Variants in GALNT9 observed in about 807,000 individuals in gnomAD.
GALNT9 encodes the protein GalNAc transferase 9.
A neutral mutation model predicts 63.1 loss-of-function variants in GALNT9; 47 were observed. The observed-to-expected ratio is 0.75, with a 90% CI of 0.59 to 0.95. The LOEUF (loss-of-function observed/expected upper bound fraction) is 0.95, where lower values mean the gene tolerates loss of function less well. Among genes scored for constraint, GALNT9 ranks in the 40% least tolerant of loss-of-function variants. The pLI, the probability that GALNT9 is intolerant of heterozygous loss-of-function variation, is 0.00. For missense variants in GALNT9, 829 were observed against 874.8 expected (o/e 0.95, Z 0.66); for synonymous variants, 396 against 365.7 (o/e 1.08, Z -0.94).
chr12:132,324,883 C>G (rs1464901158), intron 1 of GALNT9, among the ~76,000 whole-genome samples: 1 of 152,356 alleles, frequency 6.6e-6, no homozygotes, highest in East Asian at 1.9e-4. Flanking sequence ...GAGATACGCC[C>G]CTTGGCAACC....
At chr12:132,309,364 G>A (rs1050887372) in intron 1 of GALNT9, among the ~76,000 whole-genome samples, 3 of 152,220 alleles carry the variant, frequency 2.0e-5, no homozygotes, top group African/African-American at 7.2e-5. Flanking sequence ...TCGAGGGGTC[G>A]TGCCCCAGTT....
Position 132,266,924 on chromosome 12 carries a change from C to A in GALNT9, c.420-4299G>T, listed in dbSNP as rs540912083. On this transcript the variant is annotated intron_variant, in intron 2 of 10. Transcript: ENST00000328957. The stretch of plus-strand genomic sequence containing the variant: ...CTGTCCCTAAACAGGCTCAGGGTCT[C>A]CCTTGGCTGGGGGCAGAGACTCAGG... Among the ~76,000 whole-genome samples, 55 of 152,242 alleles carry A rather than the reference C, an allele frequency of 3.6e-4. No individual in the cohort carries two copies. The East Asian group carries it at 9.7e-3, about 27-fold the overall frequency.
intron 1 of GALNT9, among the ~76,000 whole-genome samples, chr12:132,299,949 CATG>C (rs1223292062): frequency 6.9e-5 from 10 of 145,852 alleles, no homozygotes; most frequent in East Asian, 4.2e-4. Context: ...AACCCACTCC[CATG>C]ATAACTAACC....
chr12:132,199,283 C>T lies in GALNT9; in HGVS notation c.1402-14G>A. On this transcript the variant is annotated splice_polypyrimidine_tract_variant and intron_variant, in intron 8 of 10. Coordinates refer to ENST00000328957, the MANE Select transcript of GALNT9 (RefSeq NM_001122636.2). Reference sequence around the variant, plus strand: ...GCTGTTTCTCACCTGCAAGCAGAAGCCCCAGGAGAAAGTCCAGAGTCACCC... The same window carrying T: ...GCTGTTTCTCACCTGCAAGCAGAAGTCCCAGGAGAAAGTCCAGAGTCACCC... 1.3e-6 allele frequency: 2 copies of T among 1,584,984 alleles called. No homozygotes were observed. The highest frequency in any genetic ancestry group is 1.1e-5 in the South Asian group (1 of 90,628).
intron 5 of GALNT9, among the ~76,000 whole-genome samples, chr12:132,256,806 G>C (rs868977985): frequency 1.4e-4 from 21 of 152,224 alleles, no homozygotes; most frequent in African/African-American, 4.1e-4. Context: ...CCATGTCCTT[G>C]TCAACATTTG....
chr12:132,293,673 G>A lies in GALNT9; in HGVS notation c.239-7243C>T, dbSNP rs113516434. On this transcript the variant is annotated intron_variant, in intron 1 of 10. Transcript: ENST00000328957. ...TGTACAGTCGGAGCTGGATGGAGAA[G>A]GCAGGGGACCCCCTGCACATTCAGA... is the stretch of plus-strand genomic sequence containing the variant. 1.6e-3 allele frequency among the ~76,000 whole-genome samples: 240 copies of A among 152,370 alleles called. 2 individuals are homozygous for A. The highest frequency in any genetic ancestry group is 5.0e-3 in the African/African-American group (207 of 41,592).
intron 6 of GALNT9, among the ~76,000 whole-genome samples, chr12:132,225,914 CTG>C (rs1405386309): frequency 1.4e-5 from 2 of 144,212 alleles, no homozygotes; most frequent in East Asian, 2.2e-4. Context: ...ACCCCACACA[CTG>C]TACATATACA....
At chr12:132,248,155 C>A in intron 5 of GALNT9, 128 bp from the exon 6 acceptor site, 1 of 1,359,518 alleles carries the variant, frequency 7.4e-7, no homozygotes. Context: ...CCTGTGCACT[C>A]AGGTCCCTGT....
intron 1 of GALNT9, among the ~76,000 whole-genome samples, chr12:132,314,656 G>T (rs199765710): frequency 6.6e-6 from 1 of 152,216 alleles, no homozygotes; most frequent in East Asian, 1.9e-4. Context: ...GAGAGTGCAG[G>T]CTGCTGCCCC....
chr12:132,297,487 G>A lies in GALNT9; in HGVS notation c.239-11057C>T, dbSNP rs562141532. ...TCTGAGATGACCAAGTCACTCCTGA[G>A]ATGACTGAGTCTCTCCCAAGATGAC... is the stretch of plus-strand genomic sequence containing the variant. On this transcript the variant is annotated intron_variant, in intron 1 of 10. Transcript: ENST00000328957. Among the ~76,000 whole-genome samples, 18 of 149,524 alleles carry A rather than the reference G, an allele frequency of 1.2e-4. 1 individual carries two copies. In the South Asian group the frequency reaches 3.9e-3, roughly 32 times the overall value.
At chr12:132,301,219 C>A (rs1285146240) in intron 1 of GALNT9, among the ~76,000 whole-genome samples, 3 of 152,256 alleles carry the variant, frequency 2.0e-5, no homozygotes, top group Non-Finnish European at 4.4e-5. Flanking sequence ...AAGAAAGGCA[C>A]CACCCCTGTA....
intron 5 of GALNT9, among the ~76,000 whole-genome samples, chr12:132,250,748 G>A (rs958360360): frequency 2.0e-5 from 3 of 152,176 alleles, no homozygotes; most frequent in Admixed American, 6.5e-5. Flanking sequence ...CTGAGATGAC[G>A]CCACTGCACT....
At chr12:132,261,992 G>C (rs1879405276) in intron 3 of GALNT9, among the ~76,000 whole-genome samples, 1 of 152,262 alleles carries the variant, frequency 6.6e-6, no homozygotes, top group Non-Finnish European at 1.5e-5. Flanking sequence ...CTGTGGGCAA[G>C]AGAGGTGGGA....
intron 2 of GALNT9, chr12:132,275,394 G>A (rs28705079): frequency 0.012 from 1,898 of 152,470 alleles, 35 homozygotes; most frequent in South Asian, 0.097. Flanking sequence ...GAGACAGGAC[G>A]TGAGGCTGGA....
At chr12:132,230,103 C>T (rs1193396238) in intron 6 of GALNT9, among the ~76,000 whole-genome samples, 4 of 152,148 alleles carry the variant, frequency 2.6e-5, no homozygotes, top group Non-Finnish European at 5.9e-5. Context: ...CAGAGGGCAT[C>T]GTAATTCCAG....
At chr12:132,215,086 G>A (rs527805157) in intron 6 of GALNT9, among the ~76,000 whole-genome samples, 1 of 152,238 alleles carries the variant, frequency 6.6e-6, no homozygotes, top group Non-Finnish European at 1.5e-5. Context: ...CCGTTTAAGG[G>A]CGTTTGGGAG....
At chr12:132,284,117 GCACACACGCACATGCACGCA>G (rs1555241915) in intron 2 of GALNT9, 2 of 146,508 alleles carry the variant, frequency 1.4e-5, no homozygotes, top group African/African-American at 2.6e-5. Context: ...GCACACATAT[GCACACACGCACATGCACGCA>G]CACCCACGCA....
At chr12:132,200,666 G>GTAC in intron 8 of GALNT9, 1 of 159,092 alleles carries the variant, frequency 6.3e-6, no homozygotes, top group East Asian at 1.9e-4. Context: ...GCGTGCTCTT[G>GTAC]TACATATGAG....
At chr12:132,268,068 C>A (rs1879713177) in intron 2 of GALNT9, among the ~76,000 whole-genome samples, 1 of 150,966 alleles carries the variant, frequency 6.6e-6, no homozygotes, top group East Asian at 2.0e-4. Context: ...GTCACACGCA[C>A]TCACGCAGTC....
Sources: gnomAD v4.1 joint callset for allele counts (sites outside exome capture counted in the v4.1 genomes callset) on GRCh38, gnomAD v4.1.1 for gene constraint, MANE v1.5 for transcripts, NCBI Gene and HGNC (gene_info 2026-07-23, HGNC 2026-07-21) for gene names.